Variants in NEK11 observed in about 807,000 individuals in gnomAD.
The protein encoded by NEK11 is serine/threonine-protein kinase Nek11.
Under a neutral mutation model 80.7 loss-of-function variants are expected in NEK11, and 72 were observed. That is an observed-to-expected ratio of 0.89 (90% CI 0.74 to 1.08). NEK11 has a LOEUF of 1.08. Ranked by LOEUF, NEK11 falls within the 50% of genes least tolerant of loss-of-function variation. NEK11 has a pLI of 0.00. For synonymous variants in NEK11, 251 were observed against 260.7 expected (o/e 0.96, Z 0.36); for missense variants, 764 against 763.6 (o/e 1.00, Z -0.01).
chr3:131,331,809 T>G (rs1436747877), intron 17 of NEK11, among the ~76,000 whole-genome samples: 1 of 152,212 alleles, frequency 6.6e-6, no homozygotes, highest in Non-Finnish European at 1.5e-5. Context: ...ACTAGGAGAT[T>G]ATATCCCACA....
At chr3:131,032,490 C>T (rs376468911) in intron 3 of NEK11, among the ~76,000 whole-genome samples, 26 of 152,208 alleles carry the variant, frequency 1.7e-4, no homozygotes, top group African/African-American at 4.6e-4. Flanking sequence ...CTTTCCACTA[C>T]GTGCCGACCT....
At chr3:131,145,350 A>G (rs1274684206) in intron 7 of NEK11, among the ~76,000 whole-genome samples, 4 of 151,934 alleles carry the variant, frequency 2.6e-5, no homozygotes, top group African/African-American at 9.7e-5. Context: ...AAGTAGAGTT[A>G]TATCTCCATC....
At chr3:131,151,285 A>G (rs541377543) in intron 7 of NEK11, among the ~76,000 whole-genome samples, 1 of 152,088 alleles carries the variant, frequency 6.6e-6, no homozygotes. Flanking sequence ...CTGGGAAGTT[A>G]TAAGGGATTG....
At chr3:131,126,653 T>C (rs1241965639) in intron 5 of NEK11, among the ~76,000 whole-genome samples, 1 of 152,212 alleles carries the variant, frequency 6.6e-6, no homozygotes, top group Non-Finnish European at 1.5e-5. Context: ...TTTTCCAATA[T>C]TACAGTGTTA....
chr3:131,059,372 A>T (rs1192530668), intron 3 of NEK11, among the ~76,000 whole-genome samples: 4 of 152,212 alleles, frequency 2.6e-5, no homozygotes, highest in Non-Finnish European at 5.9e-5. Flanking sequence ...AGAAATATGT[A>T]CATTAATTTT....
chr3:131,176,925 C>G (rs1272876294), intron 14 of NEK11, among the ~76,000 whole-genome samples: 1 of 152,066 alleles, frequency 6.6e-6, no homozygotes, highest in Non-Finnish European at 1.5e-5. Context: ...CCTTAAGTGG[C>G]CTTGCTTGGG....
chr3:131,243,375 A>T, intron 15 of NEK11, 61 bp from the exon 16 acceptor site: 2 of 1,470,686 alleles, frequency 1.4e-6, no homozygotes, highest in Non-Finnish European at 1.9e-6. Flanking sequence ...ACATTTTTCC[A>T]TGTTATTAAG....
At chr3:131,228,302 C>T (rs150330095) in intron 14 of NEK11, among the ~76,000 whole-genome samples, 58 of 152,128 alleles carry the variant, frequency 3.8e-4, no homozygotes, top group Admixed American at 2.8e-3. Context: ...TACCTTCAAA[C>T]GGTAGTTGCT....
chr3:131,219,458 G>C (rs370638248), intron 14 of NEK11, among the ~76,000 whole-genome samples: 5 of 152,064 alleles, frequency 3.3e-5, no homozygotes, highest in African/African-American at 1.2e-4. Context: ...TGGGTTGATG[G>C]GTGCAGCAAA....
chr3:131,338,182 G>T (rs1192276443), intron 17 of NEK11, among the ~76,000 whole-genome samples: 1 of 151,182 alleles, frequency 6.6e-6, no homozygotes, highest in Non-Finnish European at 1.5e-5. Context: ...GGCCAGGATG[G>T]TCTTGATCTC....
intron 10 of NEK11, among the ~76,000 whole-genome samples, chr3:131,156,648 T>A (rs923347017): frequency 5.3e-5 from 8 of 152,160 alleles, no homozygotes; most frequent in African/African-American, 1.9e-4. Flanking sequence ...TTAATAACAC[T>A]CTCTCAATTC....
intron 5 of NEK11, among the ~76,000 whole-genome samples, chr3:131,125,610 G>C (rs2083187245): frequency 6.6e-6 from 1 of 152,188 alleles, no homozygotes; most frequent in African/African-American, 2.4e-5. Context: ...TCTAACCTGA[G>C]TGTAAGCATT....
At chr3:131,317,807 A>AGGGG (rs1269333590) in intron 17 of NEK11, among the ~76,000 whole-genome samples, 21 of 2,160 alleles carry the variant, frequency 9.7e-3, no homozygotes, top group Admixed American at 0.062. Flanking sequence ...AAGGAGGAGG[A>AGGGG]GAGGAGGAGG....
At chr3:131,327,692 T>C (rs559923524) in intron 17 of NEK11, 1 of 151,802 alleles carries the variant, frequency 6.6e-6, no homozygotes, top group African/African-American at 2.4e-5. Flanking sequence ...TCCTCTGCAT[T>C]TGAGTCACTC....
intron 7 of NEK11, among the ~76,000 whole-genome samples, chr3:131,140,395 C>T (rs926629799): frequency 6.6e-6 from 1 of 152,122 alleles, no homozygotes; most frequent in Non-Finnish European, 1.5e-5. Context: ...CAGTGATGTG[C>T]GTGAGCCATT....
intron 14 of NEK11, among the ~76,000 whole-genome samples, chr3:131,204,784 A>T (rs958402546): frequency 3.3e-5 from 5 of 152,102 alleles, no homozygotes; most frequent in Admixed American, 1.3e-4. Context: ...ATTGCTGTTT[A>T]TGAAAATAAT....
chr3:131,153,625 T>C (rs1214583336), intron 9 of NEK11, among the ~76,000 whole-genome samples: 1 of 152,160 alleles, frequency 6.6e-6, no homozygotes, highest in Non-Finnish European at 1.5e-5. Context: ...AAACTGTGGG[T>C]ACCTTTTCAT....
At chr3:131,088,266 T>C (rs1461899268) in intron 4 of NEK11, 1 of 152,228 alleles carries the variant, frequency 6.6e-6, no homozygotes, top group Non-Finnish European at 1.5e-5. Context: ...GATCCATTTG[T>C]GATTTTTATA....
chr3:131,146,396 C>T (rs977037769), intron 7 of NEK11, among the ~76,000 whole-genome samples: 4 of 152,032 alleles, frequency 2.6e-5, no homozygotes, highest in Admixed American at 2.6e-4. Context: ...TGACATGGTA[C>T]CTTTCTGGGC....
Sources: gnomAD v4.1 joint callset for allele counts (sites outside exome capture counted in the v4.1 genomes callset) on GRCh38, gnomAD v4.1.1 for gene constraint, MANE v1.5 for transcripts, NCBI Gene and HGNC (gene_info 2026-07-23, HGNC 2026-07-21) for gene names.